Variants in TAFA5 observed in about 807,000 individuals in gnomAD.
The protein encoded by TAFA5 is chemokine-like protein TAFA-5.
In TAFA5, 6 loss-of-function variants were observed where a neutral mutation model predicts 15.3. That is an observed-to-expected ratio of 0.39 (90% CI 0.21 to 0.77). TAFA5 has a LOEUF of 0.77. TAFA5 is among the 30% of genes least tolerant of loss of function. The pLI, the probability that TAFA5 is intolerant of heterozygous loss-of-function variation, is 0.41. For synonymous variants in TAFA5, 103 were observed against 80.7 expected, an observed-to-expected ratio of 1.28 and a Z score of -1.48; for missense variants, 161 against 193.1, an observed-to-expected ratio of 0.83 and a Z score of 0.98.
At chr22:48,500,430 G>A (rs1014476741) in intron 1 of TAFA5, among the ~76,000 whole-genome samples, 1 of 152,216 alleles carries the variant, frequency 6.6e-6, no homozygotes, top group Non-Finnish European at 1.5e-5. Context: ...ATAGGGGACG[G>A]GTCACTTGGG....
rs1307132145 is a variant in TAFA5 at position 48,552,452 on chromosome 22, G to A, written c.112+62748G>A. 1.3e-5 allele frequency among the ~76,000 whole-genome samples: 2 copies of A among 152,150 alleles called. No individual in the cohort carries two copies. Among genetic ancestry groups the A allele is most frequent in the Non-Finnish European group, 2.9e-5 (2 of 68,014 alleles). Reference sequence around the variant, plus strand: ...CTGTCAGCGCTGCCTGCTGTGGGAAGCCCTTATGAGCGTGTACATCCTCTC... The same window carrying A: ...CTGTCAGCGCTGCCTGCTGTGGGAAACCCTTATGAGCGTGTACATCCTCTC... On this transcript the variant is annotated intron_variant, in intron 1 of 3. Transcript: ENST00000402357. The surrounding 1 kb of genome is among the most constrained non-coding windows in gnomAD (Gnocchi z 4.1).
intron 3 of TAFA5, among the ~76,000 whole-genome samples, chr22:48,731,718 T>C (rs762558517): frequency 6.6e-6 from 1 of 152,172 alleles, no homozygotes; most frequent in Non-Finnish European, 1.5e-5. Flanking sequence ...GAACAAAAGA[T>C]TCAAGATATT....
intron 1 of TAFA5, among the ~76,000 whole-genome samples, chr22:48,631,559 GACC>G (rs1926227927): frequency 1.3e-5 from 2 of 152,218 alleles, no homozygotes; most frequent in Non-Finnish European, 2.9e-5. Context: ...GGAGCTCTTG[GACC>G]AGAGCCCCTG....
At chr22:48,677,196 G>A (rs1280344967) in intron 2 of TAFA5, among the ~76,000 whole-genome samples, 1 of 152,272 alleles carries the variant, frequency 6.6e-6, no homozygotes, top group Non-Finnish European at 1.5e-5. Context: ...GCCCGTCGGG[G>A]ATGCTGATGG....
intron 1 of TAFA5, among the ~76,000 whole-genome samples, chr22:48,535,918 C>A (rs902394448): frequency 6.6e-6 from 1 of 150,660 alleles, no homozygotes; most frequent in East Asian, 2.0e-4. Context: ...TATGCATATA[C>A]GTAGGTGTGA....
intron 2 of TAFA5, among the ~76,000 whole-genome samples, chr22:48,650,989 G>T (rs1306590410): frequency 6.6e-6 from 1 of 152,240 alleles, no homozygotes; most frequent in Non-Finnish European, 1.5e-5. Context: ...GAGACCCTGT[G>T]TCCGAGTCCA....
chr22:48,662,435 G>A (rs531438186), intron 2 of TAFA5, among the ~76,000 whole-genome samples: 1 of 152,316 alleles, frequency 6.6e-6, no homozygotes, highest in South Asian at 2.1e-4. Context: ...CAGAGGTCAG[G>A]CTGGGCAGAA....
At chr22:48,634,247 TTCAA>T (rs1415490447) in intron 1 of TAFA5, among the ~76,000 whole-genome samples, 6 of 152,026 alleles carry the variant, frequency 3.9e-5, no homozygotes, top group Admixed American at 6.5e-5. Flanking sequence ...CACTCACTTA[TTCAA>T]TCATTTACTC....
At chr22:48,736,874 G>A (rs961614825) in intron 3 of TAFA5, among the ~76,000 whole-genome samples, 5 of 152,224 alleles carry the variant, frequency 3.3e-5, no homozygotes, top group African/African-American at 9.6e-5. Context: ...CGTTGCTTTC[G>A]AGGAGATGAA....
rs192312245 is a variant in TAFA5, at chr22:48,722,233, T to C, written c.390+14389T>C. Among the ~76,000 whole-genome samples, 146 of 152,346 alleles carry C rather than the reference T, an allele frequency of 9.6e-4. 2 individuals are homozygous for C. The East Asian group carries it at 0.025, about 26-fold the overall frequency. On this transcript the variant is annotated intron_variant, in intron 3 of 3. Coordinates refer to ENST00000402357, the MANE Select transcript of TAFA5 (RefSeq NM_001082967.3). ...CCTGACTTTTTAATGACCGCCATTC[T>C]AATTGGCGTGAGGTGGTATCTCATT...
intron 3 of TAFA5, among the ~76,000 whole-genome samples, chr22:48,733,068 G>A (rs2147268193): frequency 6.6e-6 from 1 of 152,264 alleles, no homozygotes; most frequent in Middle Eastern, 3.4e-3. Flanking sequence ...TCACTCTCTT[G>A]ATCGTGATAT....
At chr22:48,620,988 A>C (rs1601621371) in intron 1 of TAFA5, among the ~76,000 whole-genome samples, 5 of 110,412 alleles carry the variant, frequency 4.5e-5, no homozygotes, top group African/African-American at 7.6e-5. Flanking sequence ...CCATCCACCC[A>C]CCCACCCACA....
intron 1 of TAFA5, among the ~76,000 whole-genome samples, chr22:48,496,286 A>T (rs1928320849): frequency 1.3e-5 from 2 of 148,238 alleles, no homozygotes; most frequent in African/African-American, 5.1e-5. Context: ...CTCTGGACAG[A>T]TGCTTTTGGT....
intron 1 of TAFA5, among the ~76,000 whole-genome samples, chr22:48,521,378 G>A (rs1225645713): frequency 6.6e-6 from 1 of 152,054 alleles, no homozygotes; most frequent in Non-Finnish European, 1.5e-5. Context: ...ACATTCTCTT[G>A]CCAGGCAGCC....
intron 2 of TAFA5, among the ~76,000 whole-genome samples, chr22:48,648,756 A>G (rs531758223): frequency 0.011 from 1,707 of 152,196 alleles, 33 homozygotes; most frequent in African/African-American, 0.039. Flanking sequence ...TGAACCCGGG[A>G]GGCGGAGGTT....
intron 2 of TAFA5, among the ~76,000 whole-genome samples, chr22:48,705,701 A>G (rs1166692029): frequency 2.6e-5 from 4 of 152,214 alleles, no homozygotes; most frequent in African/African-American, 9.6e-5. Context: ...TGGCCCTCCT[A>G]TACCTGGAGC....
At chr22:48,509,767 T>C (rs9627365) in intron 1 of TAFA5, among the ~76,000 whole-genome samples, 41,912 of 151,494 alleles carry the variant, frequency 0.28, 6,794 homozygotes, top group Middle Eastern at 0.43. Flanking sequence ...CTGGCTAACA[T>C]GGTGAAACCC....
At chr22:48,541,796 G>T (rs1381076627) in intron 1 of TAFA5, among the ~76,000 whole-genome samples, 1 of 152,176 alleles carries the variant, frequency 6.6e-6, no homozygotes, top group Non-Finnish European at 1.5e-5. Context: ...GCCCTGCCAG[G>T]CTCCGGGTCT....
chr22:48,690,040 G>GGACTT (rs1569080506), intron 2 of TAFA5, among the ~76,000 whole-genome samples: 13 of 109,272 alleles, frequency 1.2e-4, no homozygotes, highest in African/African-American at 5.0e-4. Flanking sequence ...TGGGGGAGGT[G>GGACTT]GGCTTGGCTG....
Sources: gnomAD v4.1 joint callset for allele counts (sites outside exome capture counted in the v4.1 genomes callset) on GRCh38, gnomAD v4.1.1 for gene constraint, Gnocchi (gnomAD v3.1) non-coding constraint, MANE v1.5 for transcripts, NCBI Gene and HGNC (gene_info 2026-07-23, HGNC 2026-07-21) for gene names.